The following PDE4D variants were observed in gnomAD, a reference collection of about 807,000 sequenced individuals.
PDE4D encodes the protein phosphodiesterase 4D, also known as 3',5'-cyclic-AMP phosphodiesterase 4D.
PDE4D carries 24 observed loss-of-function variants against 87.4 expected under a neutral mutation model. The observed-to-expected ratio is 0.27, with a 90% CI of 0.20 to 0.39. The LOEUF (loss-of-function observed/expected upper bound fraction) is 0.39. Among genes scored for constraint, PDE4D ranks in the 10% least tolerant of loss-of-function variants. The pLI is 1.00. For synonymous variants in PDE4D, 384 were observed against 383.2 expected, an observed-to-expected ratio of 1.00 and a Z score of -0.02; for missense variants, 714 against 1,041.0, an observed-to-expected ratio of 0.69 and a Z score of 4.32.
intron 1 of PDE4D, among the ~76,000 whole-genome samples, chr5:60,315,210 T>C (rs1393476728): frequency 6.6e-6 from 1 of 152,220 alleles, no homozygotes; most frequent in Admixed American, 6.5e-5. Context: ...TCATTGTGGT[T>C]TTGATTTGCA....
chr5:59,926,105 AC>A (rs1561868915), intron 3 of PDE4D, among the ~76,000 whole-genome samples: 1 of 152,200 alleles, frequency 6.6e-6, no homozygotes, highest in Admixed American at 6.5e-5. Flanking sequence ...AGGATAGACC[AC>A]ATGTTAGGCC....
intron 1 of PDE4D, among the ~76,000 whole-genome samples, chr5:59,232,765 GA>G (rs1755505429): frequency 6.6e-6 from 1 of 151,606 alleles, no homozygotes; most frequent in Admixed American, 6.6e-5. Flanking sequence ...CTAAGATATG[GA>G]ATCAACCAAA....
chr5:59,067,058 G>A lies in PDE4D; in HGVS notation c.809-28087C>T, dbSNP rs1225408467. Among the ~76,000 whole-genome samples, 4 of 150,842 alleles carry A rather than the reference G, an allele frequency of 2.7e-5. No individual in the cohort carries two copies. The East Asian group carries it at 7.8e-4, about 29-fold the overall frequency. The stretch of plus-strand genomic sequence containing the variant: ...GAGAGAGAGTTTTGCTCTGTCACTC[G>A]GGCTGGATTTCAGTGCCATGATCTC... On this transcript the variant is annotated intron_variant, in intron 5 of 14. Transcript: ENST00000340635.
chr5:59,777,103 A>C (rs758290938), intron 1 of PDE4D, among the ~76,000 whole-genome samples: 141 of 152,202 alleles, frequency 9.3e-4, no homozygotes, highest in Non-Finnish European at 1.9e-3. Flanking sequence ...AGATAATGCA[A>C]ACCTTCCTGA....
At chr5:60,302,071 T>C (rs1379011730) in intron 1 of PDE4D, among the ~76,000 whole-genome samples, 3 of 152,226 alleles carry the variant, frequency 2.0e-5, no homozygotes, top group African/African-American at 4.8e-5. Context: ...TGGATTTGTT[T>C]TGTCAGTATT....
intron 1 of PDE4D, among the ~76,000 whole-genome samples, chr5:59,681,941 C>T (rs1749096841): frequency 6.6e-6 from 1 of 151,622 alleles, no homozygotes; most frequent in Non-Finnish European, 1.5e-5. Flanking sequence ...CCCCTTCTCC[C>T]TATTTCTTGC....
chr5:60,465,574 A>T (rs980677280), intron 1 of PDE4D, among the ~76,000 whole-genome samples: 1 of 152,118 alleles, frequency 6.6e-6, no homozygotes, highest in Non-Finnish European at 1.5e-5. Context: ...TCAAGCTTTT[A>T]AAAAAAGAGT....
chr5:59,577,170 A>G (rs145315570), intron 1 of PDE4D, among the ~76,000 whole-genome samples: 384 of 152,286 alleles, frequency 2.5e-3, no homozygotes, highest in Non-Finnish European at 3.8e-3. Context: ...AAGAGTTGGG[A>G]AGATATGAGA....
At position 59,388,486 on chromosome 5, in the gene PDE4D, G is replaced by T. The variant is rs935906795; in HGVS notation, c.456-172518C>A. Among the ~76,000 whole-genome samples the T allele has an allele frequency of 2.0e-5, 3 of 152,148 alleles. No homozygotes were observed. In the East Asian group the frequency reaches 5.8e-4, roughly 29 times the overall value. On this transcript the variant is annotated intron_variant, in intron 1 of 14. Transcript: ENST00000340635. ...ATATTATCCAGCAGTTTCACTACTA[G>T]GTATATATCCAAAGGAAGTGAAATC...
intron 1 of PDE4D, among the ~76,000 whole-genome samples, chr5:60,371,829 A>G (rs1284265088): frequency 6.6e-6 from 1 of 152,144 alleles, no homozygotes; most frequent in Non-Finnish European, 1.5e-5. Flanking sequence ...TATTGTATGT[A>G]TTGAAGCTCA....
intron 1 of PDE4D, among the ~76,000 whole-genome samples, chr5:59,388,353 G>C (rs1459608024): frequency 6.6e-6 from 1 of 152,024 alleles, no homozygotes; most frequent in African/African-American, 2.4e-5. Context: ...AGATGGCAAG[G>C]ATGTGGAGAA....
chr5:59,046,421 TGTG>T (rs771237905), intron 5 of PDE4D, among the ~76,000 whole-genome samples: 108 of 93,058 alleles, frequency 1.2e-3, no homozygotes, highest in Non-Finnish European at 1.7e-3. Context: ...AGAGAGAGAA[TGTG>T]TGTGTGTGTG....
In PDE4D at chr5:60,230,578, A is replaced by T. The variant is rs975875092; in HGVS notation, c.-89-44891T>A. ...AAAACAACTGTGGACTACTGATTTT[A>T]ACTGAGGTTGACATAACACTTTTAG... On this transcript the variant is annotated intron_variant, in intron 1 of 16. Coordinates refer to the PDE4D transcript ENST00000502484. 3.9e-5 allele frequency among the ~76,000 whole-genome samples: 6 copies of T among 152,242 alleles called. No homozygotes were observed. In the East Asian group the frequency reaches 1.2e-3, roughly 29 times the overall value.
At chr5:59,151,105 T>G (rs1447340376) in intron 5 of PDE4D, among the ~76,000 whole-genome samples, 1 of 152,172 alleles carries the variant, frequency 6.6e-6, no homozygotes, top group Non-Finnish European at 1.5e-5. Flanking sequence ...GAGAATGACA[T>G]TTATTTTGAT....
At chr5:60,368,768 G>C (rs1447597717) in intron 1 of PDE4D, among the ~76,000 whole-genome samples, 1 of 152,032 alleles carries the variant, frequency 6.6e-6, no homozygotes, top group Non-Finnish European at 1.5e-5. Context: ...GTGTGTACCA[G>C]CTCCCCCTTC....
intron 1 of PDE4D, among the ~76,000 whole-genome samples, chr5:59,766,930 A>T (rs1304869876): frequency 6.6e-6 from 1 of 152,216 alleles, no homozygotes; most frequent in Non-Finnish European, 1.5e-5. Context: ...TCTAGGTGTT[A>T]AAATCCTGGG....
At chr5:59,654,251 G>A (rs907005381) in intron 1 of PDE4D, among the ~76,000 whole-genome samples, 1 of 152,176 alleles carries the variant, frequency 6.6e-6, no homozygotes, top group Non-Finnish European at 1.5e-5. Context: ...CAGGGGAGGG[G>A]AGGAAGGGAG....
At chr5:60,429,164 G>T (rs1255389031) in intron 1 of PDE4D, among the ~76,000 whole-genome samples, 1 of 152,182 alleles carries the variant, frequency 6.6e-6, no homozygotes, top group Non-Finnish European at 1.5e-5. Flanking sequence ...ATTTGTTTAT[G>T]TCATCTCTGA....
At chr5:60,069,320 T>C (rs572845684) in intron 2 of PDE4D, among the ~76,000 whole-genome samples, 1 of 152,180 alleles carries the variant, frequency 6.6e-6, no homozygotes, top group Non-Finnish European at 1.5e-5. Context: ...TGCTTCACCT[T>C]TCCACCATGT....
Sources: allele counts gnomAD v4.1 joint callset (sites outside exome capture counted in the v4.1 genomes callset), GRCh38; gene constraint gnomAD v4.1.1; transcripts MANE v1.5; gene names NCBI Gene and HGNC (gene_info 2026-07-23, HGNC 2026-07-21).